PCGF3: variants seen among roughly 807,000 people sequenced by gnomAD.
PCGF3 encodes polycomb group RING finger protein 3.
In PCGF3, 7 loss-of-function variants were observed where a neutral mutation model predicts 33.1. That is an observed-to-expected ratio of 0.21 (90% CI 0.12 to 0.40). The LOEUF is 0.40. PCGF3 is among the 10% of genes least tolerant of loss of function. The probability of loss-of-function intolerance (pLI) is 1.00; values close to 1 mark genes in which losing one functional copy is unlikely to be tolerated. For missense variants in PCGF3, 211 were observed against 313.3 expected (o/e 0.67, Z 2.46); for synonymous variants, 153 against 121.3 (o/e 1.26, Z -1.72).
chr4:715,563 G>T (rs1191987995), intron 1 of PCGF3, among the ~76,000 whole-genome samples: 15 of 119,486 alleles, frequency 1.3e-4, no homozygotes, highest in Non-Finnish European at 1.7e-4. Flanking sequence ...ACTGGGTGTC[G>T]GTGCTGGGAC....
chr4:716,009 G>A (rs1742816004), intron 1 of PCGF3, among the ~76,000 whole-genome samples: 2 of 138,930 alleles, frequency 1.4e-5, no homozygotes, highest in East Asian at 2.4e-4. Flanking sequence ...TCGGTGCTGG[G>A]ACCCTGTAGA....
chr4:754,208 T>C (rs1374598695), intron 8 of PCGF3, among the ~76,000 whole-genome samples: 2 of 152,102 alleles, frequency 1.3e-5, no homozygotes, highest in Non-Finnish European at 1.5e-5. Context: ...GGTTCTGGTG[T>C]GGGGTCCCTG....
In PCGF3 at chr4:716,984, T is replaced by C. The variant is rs561407069; in HGVS notation, c.-190+11014T>C. On this transcript the variant is annotated intron_variant, in intron 1 of 10. Coordinates refer to ENST00000362003, the Ensembl canonical transcript of PCGF3. ...ACTGGGCGTCGGTGCTGGGACCCTG[T>C]AGACACTGAGGGTGAGAACTGGGCG... is the stretch of plus-strand genomic sequence containing the variant. Among the ~76,000 whole-genome samples the C allele has an allele frequency of 7.5e-4, 95 of 127,496 alleles. No homozygotes were observed. The Middle Eastern group carries it at 0.015, about 20-fold the overall frequency. The allele number at this position is 127,496 out of a possible 152,430, so 83.6% of individuals were successfully genotyped here. A position where few individuals can be genotyped will look rare whatever the true frequency, so the allele number is the denominator to read the frequency against.
chr4:706,891 G>A (rs113511703), intron 1 of PCGF3, among the ~76,000 whole-genome samples: 4,303 of 136,098 alleles, frequency 0.032, 54 homozygotes, highest in East Asian at 0.075. Context: ...AGGACCCAGG[G>A]AGGGCGAAGA....
At chr4:747,630 C>G (rs370229976) in intron 8 of PCGF3, among the ~76,000 whole-genome samples, 1 of 76,124 alleles carries the variant, frequency 1.3e-5, no homozygotes, top group Non-Finnish European at 2.9e-5. Flanking sequence ...TGTTAGTGCT[C>G]GCCGTGGAGG....
chr4:753,029 G>A (rs778659560), intron 8 of PCGF3, among the ~76,000 whole-genome samples: 36 of 152,340 alleles, frequency 2.4e-4, no homozygotes, highest in African/African-American at 6.7e-4. Context: ...CCTGGATAGT[G>A]GGAGACAGAT....
At position 722,888 on chromosome 4, in the gene PCGF3, C is replaced by T. The variant is rs1342327930; in HGVS notation, c.-189-7742C>T. On this transcript the variant is annotated intron_variant, in intron 1 of 10. Transcript: ENST00000362003. ...CACGCCGGGTCCACACTCGCGTCAT[C>T]GCCATCCACGCCGGGTCCACACTCG... is the stretch of plus-strand genomic sequence containing the variant. Among the ~76,000 whole-genome samples, 7 of 114,260 alleles carry T rather than the reference C, an allele frequency of 6.1e-5. No individual in the cohort carries two copies. The East Asian group carries it at 9.0e-4, about 15-fold the overall frequency. 75.0% of individuals were successfully genotyped at this position (114,260 alleles called of 152,430 possible). A position where few individuals can be genotyped will look rare whatever the true frequency, so the allele number is the denominator to read the frequency against.
At chr4:727,279 T>C (rs1293842704) in intron 1 of PCGF3, among the ~76,000 whole-genome samples, 1 of 146,010 alleles carries the variant, frequency 6.8e-6, no homozygotes, top group Non-Finnish European at 1.5e-5. Context: ...TTCAGTCTTA[T>C]TCCCCAGGCT....
At chr4:726,598 C>T (rs182327356) in intron 1 of PCGF3, among the ~76,000 whole-genome samples, 1 of 152,334 alleles carries the variant, frequency 6.6e-6, no homozygotes, top group African/African-American at 2.4e-5. Flanking sequence ...ATCTTCTCCT[C>T]ATCCACGATC....
At chr4:750,678 T>G (rs963583064) in intron 8 of PCGF3, among the ~76,000 whole-genome samples, 4 of 152,180 alleles carry the variant, frequency 2.6e-5, no homozygotes, top group Non-Finnish European at 5.9e-5. Context: ...CCTGGGAGAT[T>G]GTGAACTCCG....
intron 1 of PCGF3, among the ~76,000 whole-genome samples, chr4:706,172 G>C (rs537956046): frequency 2.0e-5 from 3 of 152,196 alleles, no homozygotes; most frequent in Non-Finnish European, 2.9e-5. Flanking sequence ...GAAGACCCCA[G>C]CCCAGGCAGG....
intron 1 of PCGF3, among the ~76,000 whole-genome samples, chr4:729,759 A>C (rs1178502791): frequency 6.6e-6 from 1 of 152,238 alleles, no homozygotes; most frequent in East Asian, 1.9e-4. Context: ...AGTTATGGGA[A>C]ACCGGAAGAG....
chr4:724,362 G>A (rs751453273), intron 1 of PCGF3, among the ~76,000 whole-genome samples: 27 of 152,240 alleles, frequency 1.8e-4, no homozygotes, highest in African/African-American at 5.1e-4. Flanking sequence ...ACAGCCGGCC[G>A]CACAGGCAGG....
At chr4:707,114 A>T (rs1482523827) in intron 1 of PCGF3, among the ~76,000 whole-genome samples, 1 of 152,068 alleles carries the variant, frequency 6.6e-6, no homozygotes, top group African/African-American at 2.4e-5. Flanking sequence ...GGACACAATG[A>T]CACATCATCC....
intron 8 of PCGF3, among the ~76,000 whole-genome samples, chr4:751,393 G>C (rs188055802): frequency 6.6e-6 from 1 of 152,160 alleles, no homozygotes; most frequent in East Asian, 1.9e-4. Context: ...GGTTGCATGG[G>C]TTTTGTGGCC....
intron 1 of PCGF3, among the ~76,000 whole-genome samples, chr4:706,981 G>A (rs1028359962): frequency 2.0e-5 from 3 of 151,372 alleles, no homozygotes; most frequent in Non-Finnish European, 4.4e-5. Context: ...CCCCAGCCCA[G>A]GCAGGACCCT....
chr4:765,621 C>T (rs1745325081), intron 10 of PCGF3, among the ~76,000 whole-genome samples: 1 of 152,152 alleles, frequency 6.6e-6, no homozygotes. Context: ...GCCTTTGGGC[C>T]CCTCTGAAGC....
At chr4:749,862 A>G (rs1234343688) in intron 8 of PCGF3, among the ~76,000 whole-genome samples, 6 of 151,234 alleles carry the variant, frequency 4.0e-5, no homozygotes, top group Admixed American at 3.9e-4. Flanking sequence ...CTCTCACCCA[A>G]CCTGGAGTGC....
At chr4:763,938 A>G (rs1745210730) in intron 9 of PCGF3, among the ~76,000 whole-genome samples, 1 of 152,200 alleles carries the variant, frequency 6.6e-6, no homozygotes, top group African/African-American at 2.4e-5. Context: ...CCTGTTACTA[A>G]GTAGAGAAGC....
Sources: gnomAD v4.1 joint callset for allele counts (sites outside exome capture counted in the v4.1 genomes callset) on GRCh38, gnomAD v4.1.1 for gene constraint, MANE v1.5 for transcripts, NCBI Gene and HGNC (gene_info 2026-07-23, HGNC 2026-07-21) for gene names.